AKIRIN1: variants seen among roughly 807,000 people sequenced by gnomAD.
The protein encoded by AKIRIN1 is akirin-1.
AKIRIN1 carries 4 observed loss-of-function variants against 25.9 expected under a neutral mutation model. The ratio of observed to expected loss-of-function variants is 0.15; its 90% CI spans 0.08 to 0.35. AKIRIN1 has a LOEUF of 0.35. Among genes scored for constraint, AKIRIN1 ranks in the 10% least tolerant of loss-of-function variants. The pLI is 1.00. For synonymous variants in AKIRIN1, 125 were observed against 105.1 expected (o/e 1.19, Z -1.16); for missense variants, 243 against 266.1 (o/e 0.91, Z 0.61).
At chr1:38,994,042 C>T (rs1458011521) in intron 1 of AKIRIN1, among the ~76,000 whole-genome samples, 1 of 151,430 alleles carries the variant, frequency 6.6e-6, no homozygotes, top group African/African-American at 2.4e-5. Context: ...TGCACTCCAT[C>T]CTGGGTGACA....
chr1:39,003,110 A>G (rs1046819769), intron 3 of AKIRIN1, among the ~76,000 whole-genome samples: 1 of 152,210 alleles, frequency 6.6e-6, no homozygotes, highest in African/African-American at 2.4e-5. Flanking sequence ...TCAGGAAAAT[A>G]CCATTATATA....
chr1:39,001,185 G>A lies in AKIRIN1; in HGVS notation c.496+79G>A, dbSNP rs1049661840. On this transcript the variant is annotated intron_variant, in intron 3 of 4. Transcript: ENST00000432648. ...ACACCAGTTAAATAACTTAGAAAAA[G>A]AGAGTAGGACCTCATGCAAGGGAGT... The A allele has an allele frequency of 4.0e-6, 6 of 1,496,790 alleles. No homozygotes were observed. The African/African-American group carries it at 7.0e-5, about 17-fold the overall frequency. 92.7% of individuals were successfully genotyped at this position (1,496,790 alleles called of 1,614,324 possible). A position where few individuals can be genotyped will look rare whatever the true frequency, so the allele number is the denominator to read the frequency against.
In AKIRIN1 at chr1:39,000,958, T is replaced by C; in HGVS notation, c.362-14T>C. 14 of 1,604,902 alleles carry C rather than the reference T, an allele frequency of 8.7e-6. No individual in the cohort carries two copies. The highest frequency in any genetic ancestry group is 1.2e-5 in the Non-Finnish European group (14 of 1,176,372). On this transcript the variant is annotated splice_polypyrimidine_tract_variant and intron_variant, in intron 2 of 4. Coordinates refer to ENST00000432648, the MANE Select transcript of AKIRIN1 (RefSeq NM_024595.3). ...CACCGCACCTGGCCCAAACTCACTTTTTCTTTTGGCCAGGTTCCTCATGGA... is the reference window on the plus strand; with the variant it reads ...CACCGCACCTGGCCCAAACTCACTTCTTCTTTTGGCCAGGTTCCTCATGGA...
chr1:39,003,226 T>G, intron 3 of AKIRIN1, 121 bp from the exon 4 acceptor site: 1 of 882,258 alleles, frequency 1.1e-6, no homozygotes, highest in Non-Finnish European at 1.8e-6. Flanking sequence ...ACAAGGACCT[T>G]TATAAAGAGG....
chr1:38,991,569 G>A lies in AKIRIN1; in HGVS notation c.189G>A (p.Pro63=). 3 of 1,282,662 alleles carry A rather than the reference G, an allele frequency of 2.3e-6. No homozygotes were observed. The highest frequency in any genetic ancestry group is 3.5e-5 in the South Asian group (2 of 56,408). 79.5% of individuals were successfully genotyped at this position (1,282,662 alleles called of 1,614,324 possible). Residue 63 remains proline (P), a synonymous_variant, in exon 1 of 5, where the codon CCG becomes CCA. Coordinates refer to ENST00000432648, the MANE Select transcript of AKIRIN1 (RefSeq NM_024595.3). Reference sequence around the variant, plus strand: ...CGCAGAGTCTGCAGCAGCCCGCCCCGCCCGGCAGCGAGCGGCGCCTTCCAA... The same window carrying A: ...CGCAGAGTCTGCAGCAGCCCGCCCCACCCGGCAGCGAGCGGCGCCTTCCAA... ...TPPQSLQQPA[P]PGSERRLPTP...
At chr1:38,991,705 C>G (rs1047280176) in intron 1 of AKIRIN1, 105 bp downstream of exon 1, 5 of 1,154,272 alleles carry the variant, frequency 4.3e-6, no homozygotes, top group Non-Finnish European at 4.4e-6. Flanking sequence ...CCCAGGGACC[C>G]CTTCTTTGCC....
intron 1 of AKIRIN1, 40 bp downstream of exon 1, chr1:38,991,640 C>T (rs1187895297): frequency 4.1e-6 from 4 of 967,754 alleles, no homozygotes; most frequent in Non-Finnish European, 3.8e-6. Flanking sequence ...AAGCCAGGCC[C>T]AGGCATTTTT....
intron 3 of AKIRIN1, among the ~76,000 whole-genome samples, chr1:39,001,739 A>G (rs1328892177): frequency 1.3e-5 from 2 of 152,204 alleles, no homozygotes; most frequent in African/African-American, 4.8e-5. Flanking sequence ...CTGAAAAGAA[A>G]CAAACCAAGC....
chr1:38,998,890 T>G (rs1239077006), intron 2 of AKIRIN1, among the ~76,000 whole-genome samples: 1 of 152,076 alleles, frequency 6.6e-6, no homozygotes, highest in East Asian at 1.9e-4. Flanking sequence ...AAAAAAAGTT[T>G]TTTTAAAATT....
intron 2 of AKIRIN1, among the ~76,000 whole-genome samples, chr1:38,998,830 C>T (rs1376092888): frequency 6.6e-6 from 1 of 151,330 alleles, no homozygotes; most frequent in African/African-American, 2.4e-5. Context: ...GCTGAGATGA[C>T]ACCATTGTAC....
At chr1:38,993,494 G>A (rs536622793) in intron 1 of AKIRIN1, among the ~76,000 whole-genome samples, 21 of 152,120 alleles carry the variant, frequency 1.4e-4, no homozygotes, top group Admixed American at 2.6e-4. Flanking sequence ...TGGGGGCAGT[G>A]GTGGCATGCA....
rs779479837 is a variant in AKIRIN1 at position 38,998,227 on chromosome 1, T to G, written c.277T>G (p.Leu93Val). The G allele has an allele frequency of 5.0e-6, 8 of 1,613,936 alleles. No homozygotes were observed. The highest frequency in any genetic ancestry group is 6.8e-6 in the Non-Finnish European group (8 of 1,179,888). Residue 93 changes from leucine to valine, a missense_variant, in exon 2 of 5, where the codon TTA becomes GTA. This residue lies in a region of AKIRIN1 where 190 missense variants were observed against 174.4 expected (regional missense o/e 1.09). Coordinates refer to ENST00000432648, the MANE Select transcript of AKIRIN1 (RefSeq NM_024595.3). ...EYSRYQRWRH[L>V]EVVLNQSEAC... is the part of the protein sequence containing the mutation. ...TAGTCGTTATCAGAGGTGGAGACAT[T>G]TAGAAGTTGTTCTTAATCAGAGTGA...
intron 1 of AKIRIN1, 36 bp from the exon 2 acceptor site, chr1:38,998,135 T>C (rs1643961128): frequency 6.3e-7 from 1 of 1,589,334 alleles, no homozygotes; most frequent in Admixed American, 1.7e-5. Flanking sequence ...AATGAGACAA[T>C]AAAGTGAAAG....
At chr1:38,995,609 G>A (rs948439082) in intron 1 of AKIRIN1, among the ~76,000 whole-genome samples, 1 of 152,138 alleles carries the variant, frequency 6.6e-6, no homozygotes, top group African/African-American at 2.4e-5. Context: ...TGTTAACATT[G>A]CCATACAGGA....
chr1:39,000,257 G>A (rs1557642818), intron 2 of AKIRIN1, among the ~76,000 whole-genome samples: 1 of 151,956 alleles, frequency 6.6e-6, no homozygotes, highest in African/African-American at 2.4e-5. Context: ...AACCAGGCTG[G>A]TAGAAGCTTA....
chr1:38,994,568 C>T (rs575070026), intron 1 of AKIRIN1, among the ~76,000 whole-genome samples: 10 of 150,792 alleles, frequency 6.6e-5, no homozygotes, highest in Admixed American at 2.7e-4. Flanking sequence ...TGTAGTGGCA[C>T]GATCTTGGCT....
At chr1:38,996,082 A>G (rs1643946131) in intron 1 of AKIRIN1, among the ~76,000 whole-genome samples, 1 of 152,104 alleles carries the variant, frequency 6.6e-6, no homozygotes, top group Non-Finnish European at 1.5e-5. Context: ...CTAAAATACA[A>G]ACTTCATAGC....
chr1:39,003,249 G>A (rs1644008559), intron 3 of AKIRIN1, 98 bp from the exon 4 acceptor site: 2 of 1,150,766 alleles, frequency 1.7e-6, no homozygotes, highest in South Asian at 1.3e-5. Flanking sequence ...CTGAGAGGGT[G>A]AAGAATTCAA....
At position 39,004,395 on chromosome 1, in the gene AKIRIN1, GTGTGTGTATA is replaced by G. The variant is rs1426957995; in HGVS notation, c.*350_*359del. The G allele has an allele frequency of 8.4e-6, 4 of 474,108 alleles. No individual in the cohort carries two copies. Among genetic ancestry groups the G allele is most frequent in the South Asian group, 4.0e-5 (2 of 49,738 alleles). The allele number at this position is 474,108 out of a possible 1,614,324, so 29.4% of individuals were successfully genotyped here. A position where few individuals can be genotyped will look rare whatever the true frequency, so the allele number is the denominator to read the frequency against. ...AGTTCTGTAAGAAGTGCGTGTGAGAGTGTGTGTATATGTGTGTATGTGTATTTTAAGTTAT... is the reference window on the plus strand; with the variant it reads ...AGTTCTGTAAGAAGTGCGTGTGAGAGTGTGTGTATGTGTATTTTAAGTTAT... On this transcript the variant is annotated 3_prime_UTR_variant, in exon 5 of 5. Transcript: ENST00000432648.
Sources: allele counts gnomAD v4.1 joint callset (sites outside exome capture counted in the v4.1 genomes callset), GRCh38; gene constraint gnomAD v4.1.1; regional missense constraint gnomAD v4.1.1; transcripts MANE v1.5; gene names NCBI Gene and HGNC (gene_info 2026-07-23, HGNC 2026-07-21).